The following NCAM1 variants were observed in gnomAD, a reference collection of about 807,000 sequenced individuals.
NCAM1 encodes the protein neural cell adhesion molecule 1.
Under a neutral mutation model 109.8 loss-of-function variants are expected in NCAM1, and 14 were observed. The observed-to-expected ratio is 0.13, with a 90% confidence interval of 0.08 to 0.20. The LOEUF (loss-of-function observed/expected upper bound fraction) is 0.20, where lower values mean the gene tolerates loss of function less well. Among genes scored for constraint, NCAM1 ranks in the 10% least tolerant of loss-of-function variants. The pLI is 1.00. For synonymous variants in NCAM1, 418 were observed against 442.9 expected (o/e 0.94, Z 0.70); for missense variants, 774 against 1,109.9 (o/e 0.70, Z 4.30).
At position 113,270,303 on chromosome 11, in the gene NCAM1, T is replaced by C; in HGVS notation, c.2247T>C (p.Cys749=). The change falls in exon 18 of 20, where the codon TGT becomes TGC. Residue 749 remains cysteine (C), a synonymous_variant. Transcript: ENST00000316851. ...TCACCTGCTACTTCCTGAACAAGTG[T>C]GGCCTGTTCATGTGCATTGCGGTCA... The part of the protein sequence containing the change: ...VDITCYFLNK[C]GLFMCIAVNL... 6.2e-7 allele frequency: 1 copy of C among 1,614,016 alleles called. No individual in the cohort carries two copies. Among genetic ancestry groups the C allele is most frequent in the Non-Finnish European group, 8.5e-7 (1 of 1,179,896 alleles).
intron 1 of NCAM1, among the ~76,000 whole-genome samples, chr11:113,186,835 G>C (rs927094016): frequency 1.3e-5 from 2 of 152,254 alleles, no homozygotes; most frequent in African/African-American, 4.8e-5. Flanking sequence ...ACACAGCAGA[G>C]GTGCGAAGCC....
At chr11:113,269,946 C>T in intron 17 of NCAM1, 1 of 563,488 alleles carries the variant, frequency 1.8e-6, no homozygotes, top group South Asian at 2.1e-5. Flanking sequence ...GCCAGCTGAC[C>T]AGGCTCACCC....
intron 1 of NCAM1, among the ~76,000 whole-genome samples, chr11:113,159,480 G>C (rs1555103965): frequency 6.6e-6 from 1 of 152,090 alleles, no homozygotes; most frequent in African/African-American, 2.4e-5. Flanking sequence ...CTGCCACTCT[G>C]AGAATCCACT....
intron 9 of NCAM1, among the ~76,000 whole-genome samples, chr11:113,226,991 A>G (rs1419703096): frequency 6.6e-6 from 1 of 152,222 alleles, no homozygotes; most frequent in Non-Finnish European, 1.5e-5. Context: ...AAGATCTAAA[A>G]TTGACACCCT....
rs566285262 is a variant in NCAM1 at position 113,264,926 on chromosome 11, G to A, written c.2131+4603G>A. 14 of 985,658 alleles carry A rather than the reference G, an allele frequency of 1.4e-5. No individual in the cohort carries two copies. In the East Asian group the frequency reaches 1.1e-3, roughly 80 times the overall value. 61.1% of individuals were successfully genotyped at this position (985,658 alleles called of 1,614,324 possible). A position where few individuals can be genotyped will look rare whatever the true frequency, so the allele number is the denominator to read the frequency against. Reference sequence around the variant, plus strand: ...ACAGCTGCAGCCCCAGCCCCGCCAGGAGTCCTGGAGACAGCAGCCCTCAGA... The same window carrying A: ...ACAGCTGCAGCCCCAGCCCCGCCAGAAGTCCTGGAGACAGCAGCCCTCAGA... On this transcript the variant is annotated intron_variant, in intron 17 of 19. Coordinates refer to ENST00000316851, the MANE Select transcript of NCAM1 (RefSeq NM_181351.5).
At chr11:113,008,443 C>T (rs1434254706) in intron 1 of NCAM1, among the ~76,000 whole-genome samples, 1 of 152,180 alleles carries the variant, frequency 6.6e-6, no homozygotes, top group Non-Finnish European at 1.5e-5. Flanking sequence ...TTAACAATGA[C>T]TCATTTCAGC....
intron 1 of NCAM1, among the ~76,000 whole-genome samples, chr11:113,008,849 G>A (rs1392923854): frequency 6.6e-6 from 1 of 152,142 alleles, no homozygotes; most frequent in Non-Finnish European, 1.5e-5. Flanking sequence ...CTGGCATTTG[G>A]TGATAGACAC....
chr11:113,206,890 C>T (rs2136942597), intron 5 of NCAM1, among the ~76,000 whole-genome samples: 1 of 152,296 alleles, frequency 6.6e-6, no homozygotes, highest in African/African-American at 2.4e-5. Flanking sequence ...TTTTCCAGTA[C>T]AAAGAGCTCC....
chr11:113,240,909 C>G, intron 14 of NCAM1: 1 of 1,393,386 alleles, frequency 7.2e-7, no homozygotes, highest in Non-Finnish European at 1.0e-6. Flanking sequence ...CTAATGTTAT[C>G]TCCTTCACCA....
intron 1 of NCAM1, among the ~76,000 whole-genome samples, chr11:113,060,696 T>A (rs782234767): frequency 1.9e-4 from 29 of 152,216 alleles, no homozygotes; most frequent in Admixed American, 6.5e-5. Flanking sequence ...GTTGCAGATT[T>A]TATTTTTAAA....
chr11:113,110,481 A>T (rs946383758), intron 1 of NCAM1, among the ~76,000 whole-genome samples: 1 of 152,138 alleles, frequency 6.6e-6, no homozygotes, highest in Non-Finnish European at 1.5e-5. Flanking sequence ...TTCATGCCCT[A>T]TTGTGGTATG....
intron 9 of NCAM1, among the ~76,000 whole-genome samples, chr11:113,227,509 A>AG (rs1430702911): frequency 1.3e-5 from 2 of 152,240 alleles, no homozygotes; most frequent in Non-Finnish European, 2.9e-5. Context: ...AGGTACAAGG[A>AG]GGAGCTGGTA....
chr11:113,152,824 T>C (rs1292428208), intron 1 of NCAM1, among the ~76,000 whole-genome samples: 1 of 152,196 alleles, frequency 6.6e-6, no homozygotes, highest in African/African-American at 2.4e-5. Flanking sequence ...TAGAGGTCTT[T>C]GCATGCTGTA....
intron 1 of NCAM1, among the ~76,000 whole-genome samples, chr11:113,000,967 A>T (rs1014126053): frequency 3.3e-5 from 5 of 151,948 alleles, no homozygotes; most frequent in Non-Finnish European, 5.9e-5. Context: ...TTATAATTAT[A>T]TGAAAGAAGG....
intron 1 of NCAM1, among the ~76,000 whole-genome samples, chr11:113,001,061 AG>A (rs1951742526): frequency 6.6e-6 from 1 of 152,054 alleles, no homozygotes; most frequent in South Asian, 2.1e-4. Flanking sequence ...GTTCACCTAG[AG>A]GTGAGAGAAT....
At chr11:113,093,478 C>T (rs1347451634) in intron 1 of NCAM1, among the ~76,000 whole-genome samples, 1 of 152,136 alleles carries the variant, frequency 6.6e-6, no homozygotes, top group East Asian at 1.9e-4. Context: ...TTCCTCCTTC[C>T]TCCGGCCCCA....
At chr11:113,188,068 T>C (rs1943566485) in intron 1 of NCAM1, among the ~76,000 whole-genome samples, 2 of 152,228 alleles carry the variant, frequency 1.3e-5, no homozygotes, top group Non-Finnish European at 2.9e-5. Flanking sequence ...GTTGCTGCTG[T>C]TGGGTGTGGA....
intron 1 of NCAM1, among the ~76,000 whole-genome samples, chr11:112,977,201 T>C (rs1378793611): frequency 6.6e-6 from 1 of 151,880 alleles, no homozygotes; most frequent in African/African-American, 2.4e-5. Context: ...TCTACAAAGA[T>C]ATTATTTTCT....
At chr11:113,129,458 AT>A (rs146536146) in intron 1 of NCAM1, among the ~76,000 whole-genome samples, 1 of 152,062 alleles carries the variant, frequency 6.6e-6, no homozygotes, top group Non-Finnish European at 1.5e-5. Flanking sequence ...AAGGACCTGT[AT>A]TTTTTTTATG....
Sources: allele counts gnomAD v4.1 joint callset (sites outside exome capture counted in the v4.1 genomes callset), GRCh38; gene constraint gnomAD v4.1.1; transcripts MANE v1.5; gene names NCBI Gene and HGNC (gene_info 2026-07-23, HGNC 2026-07-21).